MROH2B: variants seen among roughly 807,000 people sequenced by gnomAD.
MROH2B encodes the protein maestro heat like repeat family member 2B, also known as maestro heat-like repeat-containing protein family member 2B.
MROH2B carries 177 observed loss-of-function variants against 208.6 expected under a neutral mutation model. The ratio of observed to expected loss-of-function variants is 0.85; its 90% confidence interval spans 0.75 to 0.96. The LOEUF (loss-of-function observed/expected upper bound fraction) is 0.96. MROH2B is among the 40% of genes least tolerant of loss of function. MROH2B has a pLI of 0.00. For synonymous variants in MROH2B, 728 were observed against 659.0 expected, an observed-to-expected ratio of 1.10 and a Z score of -1.60; for missense variants, 2,002 against 1,878.7, an observed-to-expected ratio of 1.07 and a Z score of -1.21.
At position 40,999,885 on chromosome 5, in the gene MROH2B, C is replaced by CA. The variant is rs1232215616; in HGVS notation, c.4483-107dup. ...GGATTTGTAAAGGCCAGTGAGCACT[C>CA]ACACAGCCATAAATTAATTGGCTGA... On this transcript the variant is annotated intron_variant, in intron 39 of 41. Coordinates refer to ENST00000399564, the MANE Select transcript of MROH2B (RefSeq NM_173489.5). 3 of 937,304 alleles carry CA rather than the reference C, an allele frequency of 3.2e-6. No individual in the cohort carries two copies. In the African/African-American group the frequency reaches 5.0e-5, roughly 15 times the overall value. The allele number at this position is 937,304 out of a possible 1,614,324, so 58.1% of individuals were successfully genotyped here. A position where few individuals can be genotyped will look rare whatever the true frequency, so the allele number is the denominator to read the frequency against.
At chr5:41,025,980 T>C (rs1464849512) in intron 24 of MROH2B, among the ~76,000 whole-genome samples, 1 of 152,098 alleles carries the variant, frequency 6.6e-6, no homozygotes, top group Admixed American at 6.6e-5. Flanking sequence ...TTGACAAAAT[T>C]CAACAGCCCC....
In MROH2B at chr5:41,018,987, G is replaced by T; in HGVS notation, c.2473C>A (p.His825Asn). ...KLKPQLSLQD[H>N]LNILEENIRR... ...ATATTCTCCTCAAGAATGTTAAGGTGGTCTTGTAGTGAGAGCTGAGGTTTC... is the reference window on the plus strand; with the variant it reads ...ATATTCTCCTCAAGAATGTTAAGGTTGTCTTGTAGTGAGAGCTGAGGTTTC... Residue 825 changes from histidine (H) to asparagine (N), a missense_variant, in exon 25 of 42, where the codon CAC becomes AAC. Physicochemically the swap from His to Asn is moderately conservative, Grantham distance 68 (BLOSUM62 1). Coordinates refer to ENST00000399564, the MANE Select transcript of MROH2B (RefSeq NM_173489.5). 1 of 1,613,860 alleles carries T rather than the reference G, an allele frequency of 6.2e-7. No homozygotes were observed. Among genetic ancestry groups the T allele is most frequent in the East Asian group, 2.2e-5 (1 of 44,882 alleles).
rs1286333570 is a variant in MROH2B at position 41,033,088 on chromosome 5, G to T, written c.2314C>A (p.Gln772Lys). The T allele has an allele frequency of 6.2e-7, 1 of 1,612,974 alleles. No homozygotes were observed. Among genetic ancestry groups the T allele is most frequent in the African/African-American group, 1.3e-5 (1 of 74,880 alleles). ...TCCTTGTAGGAAAACTGGAACCCCT[G>T]ATCCTCAGCATCTTGGACAGCAATG... ...IGIAVQDAED[Q>K]GFQFSYKEML... Residue 772 changes from glutamine to lysine, a missense_variant, in exon 23 of 42, where the codon CAG (glutamine) becomes AAG (lysine). Physicochemically the swap from Gln to Lys is moderately conservative, Grantham distance 53. Transcript: ENST00000399564.
intron 33 of MROH2B, among the ~76,000 whole-genome samples, chr5:41,008,041 T>G (rs1210664809): frequency 6.6e-6 from 1 of 152,182 alleles, no homozygotes; most frequent in Non-Finnish European, 1.5e-5. Context: ...GAATGAAAAG[T>G]TATGCAAAAT....
intron 2 of MROH2B, among the ~76,000 whole-genome samples, chr5:41,069,478 A>C (rs1421242719): frequency 6.6e-6 from 1 of 151,856 alleles, no homozygotes; most frequent in Admixed American, 6.6e-5. Context: ...TTTTTTTGCT[A>C]TTTTCTAGAC....
At chr5:41,024,593 G>T (rs1373697083) in intron 24 of MROH2B, among the ~76,000 whole-genome samples, 9 of 152,020 alleles carry the variant, frequency 5.9e-5, no homozygotes, top group Admixed American at 1.3e-4. Context: ...ATGGGAGACT[G>T]TAACACCCCA....
chr5:41,021,754 G>A (rs1042868700), intron 24 of MROH2B, among the ~76,000 whole-genome samples: 24 of 152,096 alleles, frequency 1.6e-4, no homozygotes, highest in African/African-American at 5.3e-4. Flanking sequence ...GTGCTCACCT[G>A]TGGTCCCAGA....
At chr5:41,039,579 T>C (rs764753094) in intron 19 of MROH2B, 24 bp from the exon 20 acceptor site, 1 of 1,481,294 alleles carries the variant, frequency 6.8e-7, no homozygotes. Context: ...AGGTATGACA[T>C]TTTGAGTTTA....
chr5:41,051,219 C>T (rs898129153), intron 12 of MROH2B, 129 bp from the exon 13 acceptor site: 3 of 456,324 alleles, frequency 6.6e-6, no homozygotes, highest in African/African-American at 6.1e-5. Flanking sequence ...CTCATGGAAC[C>T]TAGATATCTT....
chr5:41,008,468 G>A, intron 33 of MROH2B, 138 bp downstream of exon 33: 2 of 898,290 alleles, frequency 2.2e-6, no homozygotes, highest in South Asian at 1.9e-5. Context: ...CTTAGGGAGA[G>A]TAGAGCCTTG....
At chr5:41,030,496 T>G (rs1196136855) in intron 24 of MROH2B, among the ~76,000 whole-genome samples, 1 of 151,832 alleles carries the variant, frequency 6.6e-6, no homozygotes, top group Non-Finnish European at 1.5e-5. Flanking sequence ...TGGAAACACA[T>G]CTCAAATTCA....
intron 29 of MROH2B, among the ~76,000 whole-genome samples, chr5:41,014,637 G>A (rs551639308): frequency 1.3e-5 from 2 of 151,960 alleles, no homozygotes; most frequent in South Asian, 4.1e-4. Flanking sequence ...GGCCCAGAAG[G>A]CCCTTGGATC....
intron 15 of MROH2B, 116 bp downstream of exon 15, chr5:41,048,985 T>G: frequency 1.0e-6 from 1 of 1,004,034 alleles, no homozygotes; most frequent in Non-Finnish European, 1.5e-6. Flanking sequence ...ATTATGCCTT[T>G]TTAGTGTTTC....
chr5:41,068,313 C>T (rs1055195244), intron 2 of MROH2B, among the ~76,000 whole-genome samples: 1 of 152,206 alleles, frequency 6.6e-6, no homozygotes, highest in Non-Finnish European at 1.5e-5. Flanking sequence ...GAGTCCTTTT[C>T]TTGCTCCATG....
At chr5:41,000,476 AT>A in intron 38 of MROH2B, 125 bp from the exon 39 acceptor site, 1 of 1,373,180 alleles carries the variant, frequency 7.3e-7, no homozygotes. Context: ...CTTTATAGTC[AT>A]TGCTGGCACC....
chr5:41,058,206 G>A lies in MROH2B; in HGVS notation c.616-3C>T, dbSNP rs1743523935. The stretch of plus-strand genomic sequence containing the variant: ...TGGGCCTTAACGATGCTCAAAGTCT[G>A]TACAGGCAGCAAACAAATACCGTTT... On this transcript the variant is annotated splice_polypyrimidine_tract_variant and splice_region_variant and intron_variant, in intron 6 of 41. Transcript: ENST00000399564. 1 of 1,521,016 alleles carries A rather than the reference G, an allele frequency of 6.6e-7. No homozygotes were observed. Among genetic ancestry groups the A allele is most frequent in the African/African-American group, 1.4e-5 (1 of 71,074 alleles). The allele number at this position is 1,521,016 out of a possible 1,614,324, so 94.2% of individuals were successfully genotyped here.
intron 2 of MROH2B, 43 bp downstream of exon 2, chr5:41,069,645 CAAG>C: frequency 7.0e-7 from 1 of 1,433,114 alleles, no homozygotes; most frequent in Non-Finnish European, 9.6e-7. Flanking sequence ...AATGTTGCAA[CAAG>C]AAGACTGAAA....
At position 41,069,490 on chromosome 5, in the gene MROH2B, T is replaced by C. The variant is rs1743916153; in HGVS notation, c.90+201A>G. Among the ~76,000 whole-genome samples, 4 of 152,286 alleles carry C rather than the reference T, an allele frequency of 2.6e-5. No homozygotes were observed. In the South Asian group the frequency reaches 8.3e-4, roughly 32 times the overall value. ...CTTTTTTTTTGCTATTTTCTAGACA[T>C]AGATGCTGTGATTCTTGAAATGCCA... is the stretch of plus-strand genomic sequence containing the variant. On this transcript the variant is annotated intron_variant, in intron 2 of 41. Transcript: ENST00000399564.
intron 24 of MROH2B, among the ~76,000 whole-genome samples, chr5:41,021,131 C>A (rs1742133613): frequency 6.6e-6 from 1 of 152,102 alleles, no homozygotes; most frequent in Non-Finnish European, 1.5e-5. Flanking sequence ...AAATCTGTTG[C>A]ATTTCTATAT....
Sources: gnomAD v4.1 joint callset for allele counts (sites outside exome capture counted in the v4.1 genomes callset) on GRCh38, gnomAD v4.1.1 for gene constraint, MANE v1.5 for transcripts, NCBI Gene and HGNC (gene_info 2026-07-23, HGNC 2026-07-21) for gene names.